GPR141: variants seen among roughly 807,000 people sequenced by gnomAD.
GPR141 encodes G protein-coupled receptor 141, also known as probable G protein-coupled receptor 141.
A neutral mutation model predicts 6.8 loss-of-function variants in GPR141; 6 were observed. That is an observed-to-expected ratio of 0.88 (90% CI 0.48 to 1.74). GPR141 has a LOEUF of 1.74. Ranked by LOEUF, GPR141 falls within the 40% of genes most tolerant of loss-of-function variation. GPR141 has a pLI of 0.01. For missense variants in GPR141, 372 were observed against 372.9 expected (o/e 1.00, Z 0.02); for synonymous variants, 140 against 142.3 (o/e 0.98, Z 0.11).
chr7:37,689,320 G>C (rs981291374), intron 2 of GPR141, among the ~76,000 whole-genome samples: 1 of 152,020 alleles, frequency 6.6e-6, no homozygotes, highest in African/African-American at 2.4e-5. Context: ...TTTTGCATCT[G>C]TGCTCATCAG....
chr7:37,701,938 A>G (rs1318932162), intron 2 of GPR141, among the ~76,000 whole-genome samples: 1 of 152,224 alleles, frequency 6.6e-6, no homozygotes, highest in Non-Finnish European at 1.5e-5. Context: ...TTCCAGGAAG[A>G]ATAAGGAGCT....
intron 2 of GPR141, among the ~76,000 whole-genome samples, chr7:37,739,952 T>C (rs1812444464): frequency 6.6e-6 from 1 of 152,138 alleles, no homozygotes; most frequent in African/African-American, 2.4e-5. Flanking sequence ...TAAGAAAGAA[T>C]TAGAGAATTA....
rs369088054 is a variant in GPR141 at position 37,725,840 on chromosome 7, G to GT, written c.-14-14529dup. Among the ~76,000 whole-genome samples the GT allele has an allele frequency of 6.2e-3, 891 of 142,916 alleles. 7 individuals carry two copies. Among genetic ancestry groups the GT allele is most frequent in the African/African-American group, 0.019 (762 of 39,342 alleles). 93.8% of individuals were successfully genotyped at this position (142,916 alleles called of 152,430 possible). ...TATGTCTATTTACCATGTTTGCTTTGTTTTTTTTTTTCCTTCCTGCCTCTG... is the reference window on the plus strand; with the variant it reads ...TATGTCTATTTACCATGTTTGCTTTGTTTTTTTTTTTTCCTTCCTGCCTCTG... On this transcript the variant is annotated intron_variant, in intron 2 of 2. Coordinates refer to ENST00000334425, the MANE Select transcript of GPR141 (RefSeq NM_001381946.1).
Position 37,742,630 on chromosome 7 carries a change from A to T in GPR141, c.*1319A>T, listed in dbSNP as rs1033018753. ...GTATATAGAAAAACCATTAATTTAG[A>T]CTCTGTGAGATTAGGTTGCATGAAG... On this transcript the variant is annotated 3_prime_UTR_variant, in exon 3 of 3. Transcript: ENST00000334425. Among the ~76,000 whole-genome samples the T allele has an allele frequency of 6.6e-6, 1 of 152,022 alleles. No individual in the cohort carries two copies. Among genetic ancestry groups the T allele is most frequent in the Admixed American group, 6.6e-5 (1 of 15,250 alleles).
intron 2 of GPR141, among the ~76,000 whole-genome samples, chr7:37,719,259 G>A (rs1014705951): frequency 3.3e-5 from 5 of 152,182 alleles, no homozygotes; most frequent in African/African-American, 1.2e-4. Context: ...TGTGAGCTAT[G>A]AGAGGTGGTA....
chr7:37,688,496 CAGTT>C (rs1387072222), intron 2 of GPR141, among the ~76,000 whole-genome samples: 4 of 152,028 alleles, frequency 2.6e-5, no homozygotes, highest in East Asian at 1.9e-4. Flanking sequence ...ATAAAACTGA[CAGTT>C]AGAGAATGCC....
chr7:37,728,258 C>T (rs1265728711), intron 2 of GPR141, among the ~76,000 whole-genome samples: 1 of 50,432 alleles, frequency 2.0e-5, no homozygotes, highest in Non-Finnish European at 4.1e-5. Flanking sequence ...GCCTCTTTCT[C>T]TCCTACCAAA....
At chr7:37,695,092 GCTTTAGCTCCA>G (rs1809954682) in intron 2 of GPR141, among the ~76,000 whole-genome samples, 1 of 152,222 alleles carries the variant, frequency 6.6e-6, no homozygotes, top group Non-Finnish European at 1.5e-5. Context: ...CACAGCTTCA[GCTTTAGCTCCA>G]GGCAAGGGGG....
chr7:37,699,970 A>T (rs1265967901), intron 2 of GPR141, among the ~76,000 whole-genome samples: 1 of 152,212 alleles, frequency 6.6e-6, no homozygotes, highest in Non-Finnish European at 1.5e-5. Context: ...TCTGTCCTTC[A>T]GTCTATCAGG....
chr7:37,736,848 T>C (rs945973739), intron 2 of GPR141, among the ~76,000 whole-genome samples: 2 of 151,966 alleles, frequency 1.3e-5, no homozygotes, highest in Non-Finnish European at 2.9e-5. Context: ...AACACAGAAA[T>C]TCAAGAAGAC....
rs767461242 is a variant in GPR141, at chr7:37,741,048, C to T, written c.655C>T (p.Gln219Ter). Residue 219 changes from glutamine to a stop codon, truncating the protein, a stop_gained, in exon 3 of 3, where the codon CAG becomes TAG. Coordinates refer to ENST00000334425, the MANE Select transcript of GPR141 (RefSeq NM_001381946.1). LOFTEE classifies it high-confidence loss of function. ...GCTACGCCACTCTTTACTATCCCAC[C>T]AGGAGTTCTGGGCTCAGCTGAAAAA... ...QKLRHSLLSH[Q>*]EFWAQLKNLF... is the part of the protein sequence containing the mutation. 12 of 1,614,012 alleles carry T rather than the reference C, an allele frequency of 7.4e-6. No homozygotes were observed. The highest frequency in any genetic ancestry group is 6.6e-5 in the South Asian group (6 of 91,088).
intron 2 of GPR141, among the ~76,000 whole-genome samples, chr7:37,689,050 C>T (rs988648889): frequency 6.6e-6 from 1 of 152,128 alleles, no homozygotes; most frequent in African/African-American, 2.4e-5. Context: ...ACTCATTAAA[C>T]AGTTACTCCC....
intron 2 of GPR141, among the ~76,000 whole-genome samples, chr7:37,717,546 C>T (rs1055077160): frequency 6.6e-6 from 1 of 152,092 alleles, no homozygotes; most frequent in Non-Finnish European, 1.5e-5. Flanking sequence ...GCTGTCCATC[C>T]CTGACATTTT....
At position 37,724,637 on chromosome 7, in the gene GPR141, A is replaced by C. The variant is rs76643020; in HGVS notation, c.-14-15743A>C. Among the ~76,000 whole-genome samples the C allele has an allele frequency of 5.9e-3, 892 of 152,236 alleles. 13 individuals carry two copies. Among genetic ancestry groups the C allele is most frequent in the African/African-American group, 0.019 (794 of 41,536 alleles). ...ATGAACTGCTGCTTGAGTTTCCCTGAGTGAGTGATTAAAGTGACTGTTCCT... is the reference window on the plus strand; with the variant it reads ...ATGAACTGCTGCTTGAGTTTCCCTGCGTGAGTGATTAAAGTGACTGTTCCT... On this transcript the variant is annotated intron_variant, in intron 2 of 2. Transcript: ENST00000334425.
intron 2 of GPR141, among the ~76,000 whole-genome samples, chr7:37,708,941 G>A (rs1810665215): frequency 6.6e-6 from 1 of 152,078 alleles, no homozygotes; most frequent in Non-Finnish European, 1.5e-5. Context: ...TCATTTATGT[G>A]CTAAATGACT....
chr7:37,706,961 C>G (rs1173660515), intron 2 of GPR141, among the ~76,000 whole-genome samples: 1 of 152,076 alleles, frequency 6.6e-6, no homozygotes, highest in Admixed American at 6.5e-5. Flanking sequence ...ACCCACCCAG[C>G]TGGTACGTTT....
chr7:37,702,077 A>C (rs989714072), intron 2 of GPR141, among the ~76,000 whole-genome samples: 1 of 152,198 alleles, frequency 6.6e-6, no homozygotes, highest in African/African-American at 2.4e-5. Context: ...TTTGTCAGAC[A>C]TAACTTTTTA....
intron 2 of GPR141, chr7:37,713,313 T>C (rs1810895025): frequency 1.3e-5 from 2 of 152,330 alleles, no homozygotes; most frequent in South Asian, 4.1e-4. Flanking sequence ...CTGATGCTAA[T>C]TTTTTATTGT....
rs139505788 is a variant in GPR141 at position 37,743,676 on chromosome 7, C to A, written c.*2365C>A. 1.3e-5 allele frequency among the ~76,000 whole-genome samples: 2 copies of A among 152,126 alleles called. No individual in the cohort carries two copies. The highest frequency in any genetic ancestry group is 4.8e-5 in the African/African-American group (2 of 41,528). ...GGTCAGGCAATTCAAAAGAATTAATCTCTGTATTAATCTGTTATAATGTTA... is the reference window on the plus strand; with the variant it reads ...GGTCAGGCAATTCAAAAGAATTAATATCTGTATTAATCTGTTATAATGTTA... On this transcript the variant is annotated 3_prime_UTR_variant, in exon 3 of 3. Coordinates refer to ENST00000334425, the MANE Select transcript of GPR141 (RefSeq NM_001381946.1).
Sources: allele counts gnomAD v4.1 joint callset (sites outside exome capture counted in the v4.1 genomes callset), GRCh38; gene constraint gnomAD v4.1.1; transcripts MANE v1.5; gene names NCBI Gene and HGNC (gene_info 2026-07-23, HGNC 2026-07-21).